Variants in EFCAB6 observed in about 807,000 individuals in gnomAD.
EFCAB6 encodes EF-hand calcium-binding domain-containing protein 6.
EFCAB6 carries 156 observed loss-of-function variants against 169.8 expected under a neutral mutation model. The ratio of observed to expected loss-of-function variants is 0.92; its 90% CI spans 0.81 to 1.05. The LOEUF (loss-of-function observed/expected upper bound fraction) is 1.05. Among genes scored for constraint, EFCAB6 ranks in the 50% least tolerant of loss-of-function variants. EFCAB6 has a pLI of 0.00. For missense variants in EFCAB6, 1,800 were observed against 1,829.1 expected (o/e 0.98, Z 0.29); for synonymous variants, 698 against 676.4 (o/e 1.03, Z -0.50).
intron 17 of EFCAB6, among the ~76,000 whole-genome samples, chr22:43,658,739 A>G (rs1324004966): frequency 6.6e-6 from 1 of 152,198 alleles, no homozygotes; most frequent in Non-Finnish European, 1.5e-5. Flanking sequence ...ATGGAGGAAT[A>G]AGTAACAACT....
At chr22:43,784,193 T>C (rs2061927637) in intron 2 of EFCAB6, among the ~76,000 whole-genome samples, 1 of 152,114 alleles carries the variant, frequency 6.6e-6, no homozygotes. Context: ...TAGAGTGAAA[T>C]ATTTAACGTG....
chr22:43,565,159 T>C (rs1212893842), intron 26 of EFCAB6, among the ~76,000 whole-genome samples: 3 of 152,350 alleles, frequency 2.0e-5, no homozygotes, highest in East Asian at 3.9e-4. Context: ...ATTTGCGTAA[T>C]TGGGCAAGCC....
At chr22:43,591,629 A>G (rs780908247) in intron 23 of EFCAB6, among the ~76,000 whole-genome samples, 5 of 152,172 alleles carry the variant, frequency 3.3e-5, no homozygotes, top group Non-Finnish European at 5.9e-5. Flanking sequence ...ACAGGACAGC[A>G]TGCAAGCCCA....
At chr22:43,576,133 C>T (rs1211849730) in intron 26 of EFCAB6, among the ~76,000 whole-genome samples, 164 bp downstream of exon 26, 1 of 152,166 alleles carries the variant, frequency 6.6e-6, no homozygotes, top group Non-Finnish European at 1.5e-5. Context: ...TATTCACCTT[C>T]TAATACTCTG....
chr22:43,583,226 C>T (rs1404949580), intron 24 of EFCAB6, among the ~76,000 whole-genome samples: 1 of 151,894 alleles, frequency 6.6e-6, no homozygotes, highest in African/African-American at 2.4e-5. Flanking sequence ...GTCATACCAT[C>T]TATTCATCTT....
intron 3 of EFCAB6, among the ~76,000 whole-genome samples, chr22:43,774,626 G>T (rs549461657): frequency 6.6e-6 from 1 of 151,786 alleles, no homozygotes; most frequent in Non-Finnish European, 1.5e-5. Flanking sequence ...CAGGCATTAG[G>T]TGTCTGCAGG....
intron 2 of EFCAB6, among the ~76,000 whole-genome samples, chr22:43,808,423 C>T (rs2062993393): frequency 6.6e-6 from 1 of 152,046 alleles, no homozygotes; most frequent in South Asian, 2.1e-4. Flanking sequence ...CTTTTATAGC[C>T]CTACAGACTT....
At chr22:43,741,394 G>C (rs1024465017) in intron 6 of EFCAB6, among the ~76,000 whole-genome samples, 1 of 152,110 alleles carries the variant, frequency 6.6e-6, no homozygotes, top group African/African-American at 2.4e-5. Flanking sequence ...CACCAAGCTT[G>C]CTCATGCCTC....
intron 20 of EFCAB6, among the ~76,000 whole-genome samples, chr22:43,624,898 C>T (rs1486348402): frequency 5.3e-5 from 8 of 152,134 alleles, no homozygotes; most frequent in South Asian, 2.1e-4. Flanking sequence ...TTTCCATGTT[C>T]GTTCGGCAGA....
rs1395019506 is a variant in EFCAB6 at position 43,608,539 on chromosome 22, G to C, written c.2624C>G (p.Ala875Gly). 1.2e-6 allele frequency: 2 copies of C among 1,614,076 alleles called. No individual in the cohort carries two copies. Among genetic ancestry groups the C allele is most frequent in the Admixed American group, 3.3e-5 (2 of 59,996 alleles). ...GILRRRDIKN[A>G]LYGFDIPLTP... is the part of the protein sequence containing the mutation. ...GAGGGGAATATCAAAACCGTACAGTGCGTTCTTTATGTCCCGGCGTCGAAG... is the reference window on the plus strand; with the variant it reads ...GAGGGGAATATCAAAACCGTACAGTCCGTTCTTTATGTCCCGGCGTCGAAG... Residue 875 changes from alanine to glycine, a missense_variant, in exon 22 of 32, where the codon GCA becomes GGA. By Grantham distance (60) the Ala-to-Gly change is moderately conservative. Transcript: ENST00000262726.
intron 10 of EFCAB6, among the ~76,000 whole-genome samples, chr22:43,689,349 G>GCACA (rs3221390): frequency 0.051 from 7,454 of 146,864 alleles, 218 homozygotes; most frequent in Non-Finnish European, 0.055. Context: ...GAGAGCACGT[G>GCACA]CACACACACA....
intron 17 of EFCAB6, among the ~76,000 whole-genome samples, chr22:43,659,497 A>G (rs1156709856): frequency 1.3e-5 from 2 of 152,062 alleles, no homozygotes; most frequent in African/African-American, 4.8e-5. Flanking sequence ...CATCTCTACA[A>G]AATAATGTAA....
rs1295352004 is a variant in EFCAB6, at chr22:43,608,619, G to A, written c.2563-19C>T. 6.2e-7 allele frequency: 1 copy of A among 1,608,642 alleles called. No homozygotes were observed. The highest frequency in any genetic ancestry group is 8.5e-7 in the Non-Finnish European group (1 of 1,175,080). On this transcript the variant is annotated intron_variant, in intron 21 of 31. Transcript: ENST00000262726. ...GAAAATTCTACAACATCAGAATACG[G>A]TATTTAGGAACATGTGAAATGTGCG...
intron 17 of EFCAB6, among the ~76,000 whole-genome samples, chr22:43,648,558 T>C (rs1050106540): frequency 6.6e-6 from 1 of 151,720 alleles, no homozygotes; most frequent in Non-Finnish European, 1.5e-5. Context: ...ACTACTAGAG[T>C]GGGGAGGGAG....
At chr22:43,606,992 T>C (rs77436246) in intron 22 of EFCAB6, among the ~76,000 whole-genome samples, 1 of 152,010 alleles carries the variant, frequency 6.6e-6, no homozygotes, top group Admixed American at 6.6e-5. Context: ...ATGGTGGTGG[T>C]CTCCCAGGGC....
intron 17 of EFCAB6, among the ~76,000 whole-genome samples, chr22:43,664,585 G>A (rs990259291): frequency 2.0e-5 from 3 of 152,252 alleles, no homozygotes; most frequent in Non-Finnish European, 2.9e-5. Context: ...GGTGGAGGAA[G>A]AGCAGTTGAA....
intron 27 of EFCAB6, among the ~76,000 whole-genome samples, chr22:43,542,989 C>T (rs1602154402): frequency 6.6e-6 from 1 of 152,288 alleles, no homozygotes; most frequent in South Asian, 2.1e-4. Flanking sequence ...GAGAAAGACA[C>T]CACCATGGGT....
intron 27 of EFCAB6, among the ~76,000 whole-genome samples, chr22:43,545,390 G>A (rs998099874): frequency 6.6e-6 from 1 of 152,104 alleles, no homozygotes; most frequent in African/African-American, 2.4e-5. Flanking sequence ...ATAAGCCTCC[G>A]TTCACAAAAC....
chr22:43,641,403 G>A (rs1003324831), intron 17 of EFCAB6, among the ~76,000 whole-genome samples: 1 of 152,058 alleles, frequency 6.6e-6, no homozygotes, highest in Non-Finnish European at 1.5e-5. Flanking sequence ...ATTGCCTGAG[G>A]TCAGGAGTTC....
Sources: gnomAD v4.1 joint callset for allele counts (sites outside exome capture counted in the v4.1 genomes callset) on GRCh38, gnomAD v4.1.1 for gene constraint, MANE v1.5 for transcripts, NCBI Gene and HGNC (gene_info 2026-07-23, HGNC 2026-07-21) for gene names.